Variants in CBL observed in about 807,000 individuals in gnomAD.
CBL encodes Cbl proto-oncogene.
Under a neutral mutation model 96.9 loss-of-function variants are expected in CBL, and 45 were observed. The observed-to-expected ratio is 0.46, with a 90% confidence interval of 0.37 to 0.60. The LOEUF is 0.60. Among genes scored for constraint, CBL ranks in the 20% least tolerant of loss-of-function variants. CBL has a pLI of 0.00. For synonymous variants in CBL, 420 were observed against 426.8 expected, an observed-to-expected ratio of 0.98 and a Z score of 0.20; for missense variants, 1,024 against 1,143.5, an observed-to-expected ratio of 0.90 and a Z score of 1.51.
chr11:119,229,778 A>G (rs1427846962), intron 1 of CBL, among the ~76,000 whole-genome samples: 1 of 150,474 alleles, frequency 6.6e-6, no homozygotes, highest in African/African-American at 2.5e-5. Flanking sequence ...CCCAGGCTGG[A>G]GGGCAGTGGC....
chr11:119,275,067 A>G (rs1241550443), intron 5 of CBL, 114 bp downstream of exon 5: 3 of 1,014,178 alleles, frequency 3.0e-6, no homozygotes, highest in East Asian at 2.4e-5. Context: ...AGGTTCTGCA[A>G]TAGGATTGAT....
chr11:119,298,203 C>T (rs2135320727), intron 14 of CBL, among the ~76,000 whole-genome samples, 155 bp from the exon 15 acceptor site: 1 of 152,352 alleles, frequency 6.6e-6, no homozygotes, highest in South Asian at 2.1e-4. Flanking sequence ...ATTTTTATCT[C>T]TGTTTACATG....
At chr11:119,279,601 G>A (rs1347752740) in intron 9 of CBL, among the ~76,000 whole-genome samples, 1 of 152,118 alleles carries the variant, frequency 6.6e-6, no homozygotes, top group African/African-American at 2.4e-5. Context: ...GGAGTGAGTT[G>A]TGATTGTACC....
At chr11:119,276,516 A>G (rs193226573) in intron 6 of CBL, among the ~76,000 whole-genome samples, 249 of 152,328 alleles carry the variant, frequency 1.6e-3, no homozygotes, top group African/African-American at 5.8e-3. Flanking sequence ...AGTGGCCTTC[A>G]TCTGCTTTCA....
chr11:119,236,854 C>G (rs1337274145), intron 2 of CBL, among the ~76,000 whole-genome samples: 1 of 152,048 alleles, frequency 6.6e-6, no homozygotes, highest in East Asian at 1.9e-4. Flanking sequence ...TCATGTGCCT[C>G]TTGGATGTTT....
At chr11:119,247,219 A>G (rs1277668780) in intron 2 of CBL, among the ~76,000 whole-genome samples, 2 of 152,204 alleles carry the variant, frequency 1.3e-5, no homozygotes, top group Admixed American at 6.5e-5. Context: ...AAACACAGTT[A>G]ATAACTTGAT....
chr11:119,276,063 G>C lies in CBL; in HGVS notation c.936G>C (p.Gly312=). 1 of 1,613,790 alleles carries C rather than the reference G, an allele frequency of 6.2e-7. No individual in the cohort carries two copies. Among genetic ancestry groups the C allele is most frequent in the Admixed American group, 1.7e-5 (1 of 60,020 alleles). Residue 312 remains glycine (G), a synonymous_variant, in exon 6 of 16, where the codon GGG becomes GGC. Transcript: ENST00000264033. ...QWAIGYVTAD[G]NILQTIPHNK... is the part of the protein sequence containing the mutation. ...CTATTGGGTATGTTACTGCTGATGG[G>C]AACATTCTCCAGACAATCCCTCACA...
At chr11:119,294,854 C>A (rs1228696712) in intron 12 of CBL, among the ~76,000 whole-genome samples, 1 of 89,906 alleles carries the variant, frequency 1.1e-5, no homozygotes, top group Non-Finnish European at 2.2e-5. Context: ...TAAATGTTAC[C>A]TGTAATCCTA....
At chr11:119,270,445 T>A (rs1304930069) in intron 2 of CBL, among the ~76,000 whole-genome samples, 1,188 of 50,442 alleles carry the variant, frequency 0.024, 6 homozygotes, top group South Asian at 0.051. Context: ...TATTTTTTTT[T>A]TTTTTTTTTT....
intron 1 of CBL, among the ~76,000 whole-genome samples, chr11:119,208,833 A>G (rs1592365956): frequency 6.6e-6 from 1 of 152,220 alleles, no homozygotes; most frequent in African/African-American, 2.4e-5. Context: ...TATTTAAAGT[A>G]TGTGTATTGA....
At chr11:119,232,793 T>G in intron 2 of CBL, 98 bp downstream of exon 2, 2 of 1,192,986 alleles carry the variant, frequency 1.7e-6, no homozygotes, top group Non-Finnish European at 1.2e-6. Context: ...TTTATGTTAG[T>G]AGGAATGGAA....
intron 1 of CBL, 115 bp from the exon 2 acceptor site, chr11:119,232,333 A>G: frequency 3.5e-6 from 4 of 1,151,044 alleles, no homozygotes; most frequent in Non-Finnish European, 1.3e-6. Flanking sequence ...TTATATTCTC[A>G]TGTATTTTTC....
intron 1 of CBL, among the ~76,000 whole-genome samples, chr11:119,223,349 TTTTATTTTATTTTAC>T (rs1163766362): frequency 1.3e-5 from 2 of 151,058 alleles, no homozygotes; most frequent in African/African-American, 4.8e-5. Context: ...AATTTTTGGT[TTTTATTTTATTTTAC>T]TTTATTTTAT....
chr11:119,297,147 A>G, intron 13 of CBL, 113 bp downstream of exon 13: 1 of 783,652 alleles, frequency 1.3e-6, no homozygotes, highest in Non-Finnish European at 2.3e-6. Flanking sequence ...ATTAAAGCAG[A>G]AAGATAAAGA....
At chr11:119,264,141 C>G (rs2135289737) in intron 2 of CBL, among the ~76,000 whole-genome samples, 1 of 152,150 alleles carries the variant, frequency 6.6e-6, no homozygotes, top group African/African-American at 2.4e-5. Context: ...TGGAATTTTC[C>G]TCTTGAGAAC....
At chr11:119,227,004 A>G (rs1949464453) in intron 1 of CBL, among the ~76,000 whole-genome samples, 1 of 152,132 alleles carries the variant, frequency 6.6e-6, no homozygotes. Context: ...TTACCACTTT[A>G]AGACCATTGA....
intron 2 of CBL, among the ~76,000 whole-genome samples, chr11:119,248,340 C>CT (rs961232960): frequency 1.3e-5 from 2 of 152,168 alleles, no homozygotes; most frequent in Non-Finnish European, 2.9e-5. Context: ...TCAATCGATA[C>CT]TTTTTTGACA....
chr11:119,282,863 C>A (rs1253087529), intron 9 of CBL, among the ~76,000 whole-genome samples: 1 of 151,986 alleles, frequency 6.6e-6, no homozygotes, highest in Non-Finnish European at 1.5e-5. Context: ...CAAGGAGGAT[C>A]ACTTTAGCCC....
At chr11:119,261,917 G>T (rs1353021711) in intron 2 of CBL, among the ~76,000 whole-genome samples, 1 of 152,102 alleles carries the variant, frequency 6.6e-6, no homozygotes, top group East Asian at 1.9e-4. Flanking sequence ...GTGCTTTAAT[G>T]AGAATGTATT....
Sources: allele counts gnomAD v4.1 joint callset (sites outside exome capture counted in the v4.1 genomes callset), GRCh38; gene constraint gnomAD v4.1.1; transcripts MANE v1.5; gene names NCBI Gene and HGNC (gene_info 2026-07-23, HGNC 2026-07-21).